Variants in DAW1 observed in about 807,000 individuals in gnomAD.
The protein encoded by DAW1 is dynein assembly factor with WD repeats 1.
DAW1 carries 47 observed loss-of-function variants against 56.5 expected under a neutral mutation model. That is an observed-to-expected ratio of 0.83 (90% CI 0.66 to 1.06). The LOEUF (loss-of-function observed/expected upper bound fraction) is 1.06, where lower values mean the gene tolerates loss of function less well. Ranked by LOEUF, DAW1 falls within the 50% of genes least tolerant of loss-of-function variation. The pLI, the probability that DAW1 is intolerant of heterozygous loss-of-function variation, is 0.00. For synonymous variants in DAW1, 190 were observed against 179.0 expected, an observed-to-expected ratio of 1.06 and a Z score of -0.49; for missense variants, 505 against 499.3, an observed-to-expected ratio of 1.01 and a Z score of -0.11.
At chr2:227,900,015 T>C (rs961586725) in intron 6 of DAW1, among the ~76,000 whole-genome samples, 2 of 152,232 alleles carry the variant, frequency 1.3e-5, no homozygotes, top group African/African-American at 4.8e-5. Flanking sequence ...AAAGAACTCA[T>C]GCTATGTTGA....
chr2:227,897,271 T>C (rs746995837), intron 5 of DAW1, among the ~76,000 whole-genome samples: 2 of 151,998 alleles, frequency 1.3e-5, no homozygotes, highest in African/African-American at 2.4e-5. Context: ...CCTTGGAGCA[T>C]TGACAAAGAG....
intron 10 of DAW1, among the ~76,000 whole-genome samples, chr2:227,911,015 G>A (rs868130213): frequency 3.3e-5 from 5 of 151,698 alleles, no homozygotes; most frequent in South Asian, 4.2e-4. Flanking sequence ...ATATAACACC[G>A]CCCTATATCT....
At chr2:227,891,186 G>A in intron 3 of DAW1, 69 bp from the exon 4 acceptor site, 1 of 1,386,192 alleles carries the variant, frequency 7.2e-7, no homozygotes, top group East Asian at 2.3e-5. Context: ...TGTCTTCATT[G>A]GTTTGAAGTT....
At position 227,907,250 on chromosome 2, in the gene DAW1, A is replaced by G. The variant is rs776365595; in HGVS notation, c.971A>G (p.Asp324Gly). 6.2e-7 allele frequency: 1 copy of G among 1,610,072 alleles called. No individual in the cohort carries two copies. The highest frequency in any genetic ancestry group is 8.5e-7 in the Non-Finnish European group (1 of 1,177,428). ...TGKLIATASADGTARIFSAAT... is the reference protein window; with the variant it reads ...TGKLIATASAGGTARIFSAAT... ...AAGCTTATTGCAACTGCTTCAGCTGATGGTAGGTGATCTGTTCATTCTTTT... is the reference window on the plus strand; with the variant it reads ...AAGCTTATTGCAACTGCTTCAGCTGGTGGTAGGTGATCTGTTCATTCTTTT... Residue 324 changes from aspartate to glycine, a missense_variant and splice_region_variant, in exon 10 of 13, where the codon GAT becomes GGT. By Grantham distance (94) the Asp-to-Gly change is moderately conservative. Coordinates refer to ENST00000309931, the MANE Select transcript of DAW1 (RefSeq NM_178821.3).
rs751459566 is a variant in DAW1 at position 227,905,006 on chromosome 2, C to T, written c.726C>T (p.Thr242=). The T allele has an allele frequency of 6.8e-6, 11 of 1,613,250 alleles. No homozygotes were observed. The highest frequency in any genetic ancestry group is 2.2e-5 in the East Asian group (1 of 44,844). Residue 242 remains threonine, a synonymous_variant, in exon 8 of 13, where the codon ACC becomes ACT. Coordinates refer to ENST00000309931, the MANE Select transcript of DAW1 (RefSeq NM_178821.3). ...TCATCACGGGGTCTTTTGATCATAC[C>T]GTTGTAGTGTGGGACGCTGATACTG... is the stretch of plus-strand genomic sequence containing the variant. ...DRIITGSFDH[T]VVVWDADTGR...
chr2:227,893,749 C>G, intron 4 of DAW1, 46 bp from the exon 5 acceptor site: 1 of 1,580,458 alleles, frequency 6.3e-7, no homozygotes, highest in African/African-American at 1.4e-5. Flanking sequence ...TCTTTATTAA[C>G]ACACTGCCAT....
intron 10 of DAW1, among the ~76,000 whole-genome samples, chr2:227,918,164 CCATCCAT>C (rs1574673868): frequency 2.1e-5 from 2 of 94,006 alleles, no homozygotes; most frequent in African/African-American, 3.6e-5. Flanking sequence ...ATCCATCCAT[CCATCCAT>C]CATCCATCCA....
At chr2:227,890,602 G>A (rs983281661) in intron 3 of DAW1, among the ~76,000 whole-genome samples, 2 of 152,036 alleles carry the variant, frequency 1.3e-5, no homozygotes, top group Non-Finnish European at 2.9e-5. Context: ...ATAATTATTA[G>A]TTATAGACTC....
intron 7 of DAW1, among the ~76,000 whole-genome samples, chr2:227,903,805 T>C (rs1691610494): frequency 6.6e-6 from 1 of 152,064 alleles, no homozygotes; most frequent in Non-Finnish European, 1.5e-5. Flanking sequence ...TTCAAAATTA[T>C]AAGTACATTT....
At chr2:227,875,862 G>A (rs1230196250) in intron 1 of DAW1, among the ~76,000 whole-genome samples, 2 of 152,208 alleles carry the variant, frequency 1.3e-5, no homozygotes, top group South Asian at 2.1e-4. Context: ...ACCCAGAGGA[G>A]AGCCTGGTGC....
At chr2:227,918,286 G>C (rs1441651960) in intron 10 of DAW1, among the ~76,000 whole-genome samples, 1 of 152,086 alleles carries the variant, frequency 6.6e-6, no homozygotes, top group African/African-American at 2.4e-5. Context: ...GGCAGAGCAG[G>C]AAAAAAGCAT....
chr2:227,922,271 C>A (rs1692127373), intron 12 of DAW1, among the ~76,000 whole-genome samples: 1 of 152,240 alleles, frequency 6.6e-6, no homozygotes, highest in African/African-American at 2.4e-5. Flanking sequence ...GAGTTGTTTT[C>A]TCCCCTGCTA....
Position 227,921,544 on chromosome 2 carries a change from G to A in DAW1, c.1196G>A (p.Gly399Asp), listed in dbSNP as rs750662688. The change falls in exon 12 of 13, where the codon GGC becomes GAC. Residue 399 changes from glycine (G) to aspartate (D), a missense_variant. Physicochemically the swap from Gly to Asp is moderately conservative, Grantham distance 94 (BLOSUM62 -1). Coordinates refer to ENST00000309931, the MANE Select transcript of DAW1 (RefSeq NM_178821.3). Reference sequence around the variant, plus strand: ...TTTTCATGTGCTTTCAACTATAAAGGCAACATAGTCATTACAGGTATGGAA... The same window carrying A: ...TTTTCATGTGCTTTCAACTATAAAGACAACATAGTCATTACAGGTATGGAA... The part of the protein sequence containing the change: ...EIFSCAFNYK[G>D]NIVITGSKDN... 1.5e-5 allele frequency: 25 copies of A among 1,613,380 alleles called. No homozygotes were observed. The Admixed American group carries it at 4.0e-4, about 26-fold the overall frequency.
At chr2:227,875,525 G>A (rs914645818) in intron 1 of DAW1, among the ~76,000 whole-genome samples, 8 of 152,142 alleles carry the variant, frequency 5.3e-5, no homozygotes, top group African/African-American at 1.9e-4. Flanking sequence ...ATGGGGCAGA[G>A]GTGTCCCCAC....
At chr2:227,903,161 T>A (rs756156717) in intron 7 of DAW1, 52 bp downstream of exon 7, 2 of 1,578,398 alleles carry the variant, frequency 1.3e-6, no homozygotes, top group South Asian at 2.3e-5. Context: ...CTTATTTGTG[T>A]TTTTGTTACA....
chr2:227,906,696 G>A (rs138736450), intron 9 of DAW1, among the ~76,000 whole-genome samples: 1 of 152,146 alleles, frequency 6.6e-6, no homozygotes, highest in East Asian at 1.9e-4. Context: ...TTAAAAAATG[G>A]TTACTAAGAG....
intron 1 of DAW1, among the ~76,000 whole-genome samples, chr2:227,881,439 A>G (rs555308080): frequency 3.3e-4 from 50 of 152,356 alleles, no homozygotes; most frequent in African/African-American, 1.2e-3. Context: ...AGCATATAGC[A>G]TGGATATGTT....
chr2:227,919,646 G>C (rs923834960), intron 11 of DAW1, among the ~76,000 whole-genome samples: 1 of 152,166 alleles, frequency 6.6e-6, no homozygotes, highest in African/African-American at 2.4e-5. Flanking sequence ...ACAAAGCTGT[G>C]TTTTAGGATT....
chr2:227,892,777 G>C lies in DAW1; in HGVS notation c.318-1018G>C, dbSNP rs370351188. Among the ~76,000 whole-genome samples the C allele has an allele frequency of 3.9e-5, 6 of 152,078 alleles. No individual in the cohort carries two copies. The East Asian group carries it at 1.2e-3, about 29-fold the overall frequency. Reference sequence around the variant, plus strand: ...TCAGACTGGCTTTTCAATTTTGTGGGTTGTTTTCTGTGCTGGGGAAATATA... The same window carrying C: ...TCAGACTGGCTTTTCAATTTTGTGGCTTGTTTTCTGTGCTGGGGAAATATA... On this transcript the variant is annotated intron_variant, in intron 4 of 12. Transcript: ENST00000309931.
Sources: allele counts gnomAD v4.1 joint callset (sites outside exome capture counted in the v4.1 genomes callset), GRCh38; gene constraint gnomAD v4.1.1; transcripts MANE v1.5; gene names NCBI Gene and HGNC (gene_info 2026-07-23, HGNC 2026-07-21).